Variants in ATP9A observed in about 807,000 individuals in gnomAD.
The protein encoded by ATP9A is ATPase phospholipid transporting 9A.
In ATP9A, 52 loss-of-function variants were observed where a neutral mutation model predicts 144.1. The observed-to-expected ratio is 0.36, with a 90% CI of 0.29 to 0.45. The LOEUF is 0.45. Among genes scored for constraint, ATP9A ranks in the 20% least tolerant of loss-of-function variants. The pLI is 1.00. For synonymous variants in ATP9A, 582 were observed against 557.4 expected, an observed-to-expected ratio of 1.04 and a Z score of -0.62; for missense variants, 947 against 1,392.7, an observed-to-expected ratio of 0.68 and a Z score of 5.09.
At chr20:51,657,751 A>G (rs1473906417) in intron 13 of ATP9A, among the ~76,000 whole-genome samples, 10 of 152,230 alleles carry the variant, frequency 6.6e-5, no homozygotes, top group Non-Finnish European at 1.5e-4. Flanking sequence ...AACAACCATC[A>G]GCAACAAGCA....
intron 26 of ATP9A, among the ~76,000 whole-genome samples, chr20:51,606,285 A>G (rs1444435261): frequency 6.6e-6 from 1 of 152,232 alleles, no homozygotes; most frequent in East Asian, 1.9e-4. Context: ...ATCCCCAAAT[A>G]CACATGTTTA....
At chr20:51,643,578 G>C (rs969368995) in intron 14 of ATP9A, among the ~76,000 whole-genome samples, 2 of 152,024 alleles carry the variant, frequency 1.3e-5, no homozygotes, top group East Asian at 3.9e-4. Flanking sequence ...GTGAAAAGAG[G>C]GCCTTTTATC....
At chr20:51,682,048 G>T (rs187202030) in intron 9 of ATP9A, among the ~76,000 whole-genome samples, 1 of 151,892 alleles carries the variant, frequency 6.6e-6, no homozygotes, top group African/African-American at 2.4e-5. Flanking sequence ...TCTTGATCTG[G>T]GTGCTAGTCA....
chr20:51,633,387 A>G (rs2077277641), intron 15 of ATP9A, among the ~76,000 whole-genome samples: 1 of 152,200 alleles, frequency 6.6e-6, no homozygotes, highest in Non-Finnish European at 1.5e-5. Context: ...ACACTCGGAT[A>G]TGCTTAGAAA....
At chr20:51,693,798 T>C (rs191442253) in intron 7 of ATP9A, among the ~76,000 whole-genome samples, 26 of 152,322 alleles carry the variant, frequency 1.7e-4, no homozygotes, top group African/African-American at 5.8e-4. Flanking sequence ...GGTTTTTAGC[T>C]TCCCGCAGGA....
chr20:51,676,355 T>C (rs1371667385), intron 9 of ATP9A, 147 bp from the exon 10 acceptor site: 12 of 600,264 alleles, frequency 2.0e-5, no homozygotes, highest in Non-Finnish European at 3.1e-5. Context: ...CATGCTGGAG[T>C]CTGGAGTGCA....
intron 17 of ATP9A, 135 bp from the exon 18 acceptor site, chr20:51,625,497 C>T: frequency 1.0e-6 from 1 of 1,000,282 alleles, no homozygotes; most frequent in Non-Finnish European, 1.4e-6. Context: ...GAGCTGGACC[C>T]CACAGGGGTG....
chr20:51,697,378 G>A (rs747674804), intron 5 of ATP9A, 46 bp downstream of exon 5: 1 of 1,565,124 alleles, frequency 6.4e-7, no homozygotes, highest in East Asian at 2.2e-5. Flanking sequence ...GACACATTAG[G>A]ACCCATGAAG....
At chr20:51,601,600 C>T (rs1170746600) in intron 27 of ATP9A, among the ~76,000 whole-genome samples, 2 of 152,192 alleles carry the variant, frequency 1.3e-5, no homozygotes, top group Non-Finnish European at 2.9e-5. Flanking sequence ...ACTTTTAACA[C>T]CCAGGAGAAG....
In ATP9A at chr20:51,670,183, C is replaced by A. The variant is rs1436424398; in HGVS notation, c.1181-74G>T. ...TTATTATTAACAGTAATGACAGCTG[C>A]CATCTTTGGAGAGTTTGCCCTATGT... On this transcript the variant is annotated intron_variant, in intron 12 of 27. Transcript: ENST00000338821. 7 of 1,198,732 alleles carry A rather than the reference C, an allele frequency of 5.8e-6. No homozygotes were observed. The East Asian group carries it at 1.4e-4, about 24-fold the overall frequency. 74.3% of individuals were successfully genotyped at this position (1,198,732 alleles called of 1,614,324 possible).
chr20:51,650,922 C>T (rs1243439050), intron 14 of ATP9A, among the ~76,000 whole-genome samples: 2 of 150,374 alleles, frequency 1.3e-5, no homozygotes, highest in Non-Finnish European at 3.0e-5. Flanking sequence ...CACACACACA[C>T]GTATACCTGA....
intron 1 of ATP9A, among the ~76,000 whole-genome samples, chr20:51,753,444 C>T (rs1182432261): frequency 7.9e-6 from 1 of 127,298 alleles, no homozygotes; most frequent in African/African-American, 3.2e-5. Context: ...GAGTGAGACT[C>T]CGTCTCAAAA....
intron 1 of ATP9A, among the ~76,000 whole-genome samples, chr20:51,738,664 C>T (rs983684984): frequency 1.3e-5 from 2 of 151,712 alleles, no homozygotes; most frequent in Non-Finnish European, 1.5e-5. Flanking sequence ...GAGCAGAGAT[C>T]ACACCACTGC....
intron 3 of ATP9A, among the ~76,000 whole-genome samples, chr20:51,720,519 T>C (rs984384503): frequency 2.0e-5 from 3 of 152,154 alleles, no homozygotes; most frequent in Non-Finnish European, 4.4e-5. Context: ...CTCTAGGGCA[T>C]CTCAGTTTAT....
chr20:51,614,033 T>TC (rs2077194122), intron 22 of ATP9A, among the ~76,000 whole-genome samples: 1 of 152,192 alleles, frequency 6.6e-6, no homozygotes, highest in Admixed American at 6.5e-5. Context: ...TAAAAACCAT[T>TC]CCGAATCACA....
intron 4 of ATP9A, among the ~76,000 whole-genome samples, chr20:51,707,130 C>A (rs2077617808): frequency 6.6e-6 from 1 of 152,172 alleles, no homozygotes; most frequent in Non-Finnish European, 1.5e-5. Context: ...CAGGGCATGC[C>A]ATCTGGGTCC....
intron 14 of ATP9A, among the ~76,000 whole-genome samples, chr20:51,649,138 C>T (rs544011811): frequency 6.6e-6 from 1 of 152,228 alleles, no homozygotes; most frequent in South Asian, 2.1e-4. Context: ...CTGAACATTA[C>T]CTCCAAACAG....
rs1359530827 is a variant in ATP9A, at chr20:51,750,849, C to CT, written c.68+17452_68+17453insA. Among the ~76,000 whole-genome samples the CT allele has an allele frequency of 1.8e-4, 28 of 152,292 alleles. No individual in the cohort carries two copies. The South Asian group carries it at 5.2e-3, about 28-fold the overall frequency. ...GCAACCTAGGGAGGAATCCAAATGG[C>CT]AGGAACCCAGCAGAGACACACCAAG... On this transcript the variant is annotated intron_variant, in intron 1 of 27. Coordinates refer to ENST00000338821, the MANE Select transcript of ATP9A (RefSeq NM_006045.3).
At chr20:51,690,281 G>A (rs1038487856) in intron 8 of ATP9A, among the ~76,000 whole-genome samples, 16 of 151,790 alleles carry the variant, frequency 1.1e-4, no homozygotes, top group African/African-American at 2.9e-4. Context: ...TTAGCTGGGC[G>A]CAGTGGCGGG....
Sources: allele counts gnomAD v4.1 joint callset (sites outside exome capture counted in the v4.1 genomes callset), GRCh38; gene constraint gnomAD v4.1.1; transcripts MANE v1.5; gene names NCBI Gene and HGNC (gene_info 2026-07-23, HGNC 2026-07-21).